The following ABR variants were observed in gnomAD, a reference collection of about 807,000 sequenced individuals.
The protein encoded by ABR is ABR activator of RhoGEF and GTPase.
Under a neutral mutation model 107.2 loss-of-function variants are expected in ABR, and 35 were observed. The observed-to-expected ratio is 0.33, with a 90% confidence interval of 0.25 to 0.43. ABR has a LOEUF of 0.43. ABR is among the 20% of genes least tolerant of loss of function. ABR has a pLI of 1.00. For missense variants in ABR, 815 were observed against 1,115.2 expected (o/e 0.73, Z 3.83); for synonymous variants, 498 against 462.0 (o/e 1.08, Z -1.00).
At chr17:1,170,728 G>C (rs1369058958) in intron 1 of ABR, among the ~76,000 whole-genome samples, 2 of 152,106 alleles carry the variant, frequency 1.3e-5, no homozygotes, top group African/African-American at 4.8e-5. Flanking sequence ...GAGCCACCGT[G>C]CCTGGCCTGT....
intron 1 of ABR, among the ~76,000 whole-genome samples, chr17:1,136,048 T>C (rs1022568831): frequency 3.3e-5 from 5 of 152,162 alleles, no homozygotes; most frequent in Non-Finnish European, 7.3e-5. Context: ...TGAGCACTGG[T>C]TTAAAGTCAC....
In ABR at chr17:1,072,912, G is replaced by A. The variant is rs145657381; in HGVS notation, c.754-158C>T. ...AAATCAGAGTCAGGCCGGGCACGGC[G>A]GCTCATGCCTGAAATCCCAGCACTT... On this transcript the variant is annotated intron_variant, in intron 7 of 22. Transcript: ENST00000302538. 2.1e-3 allele frequency among the ~76,000 whole-genome samples: 324 copies of A among 152,300 alleles called. 3 individuals carry two copies. Among genetic ancestry groups the A allele is most frequent in the African/African-American group, 7.2e-3 (301 of 41,560 alleles).
intron 14 of ABR, among the ~76,000 whole-genome samples, chr17:1,054,864 G>C (rs1047321744): frequency 6.6e-6 from 1 of 152,150 alleles, no homozygotes; most frequent in Non-Finnish European, 1.5e-5. Flanking sequence ...TGTGTGGGGC[G>C]CTGCAGGGAG....
chr17:1,169,653 G>A (rs982045024), intron 1 of ABR, among the ~76,000 whole-genome samples: 1 of 152,182 alleles, frequency 6.6e-6, no homozygotes, highest in Non-Finnish European at 1.5e-5. Context: ...TGGAGGGTCT[G>A]CCCCGTCATT....
chr17:1,099,006 C>T (rs1289289081), intron 3 of ABR, among the ~76,000 whole-genome samples: 2 of 151,938 alleles, frequency 1.3e-5, no homozygotes, highest in African/African-American at 4.8e-5. Context: ...AGGCTGGTCT[C>T]GAACTCCTGA....
At chr17:1,028,378 C>T (rs1471422550) in intron 16 of ABR, among the ~76,000 whole-genome samples, 10 of 151,978 alleles carry the variant, frequency 6.6e-5, no homozygotes, top group Non-Finnish European at 1.2e-4. Context: ...GGATGACAGG[C>T]GTGAGCCACC....
chr17:1,108,254 G>A (rs932220331), intron 2 of ABR, among the ~76,000 whole-genome samples: 2 of 152,226 alleles, frequency 1.3e-5, no homozygotes, highest in Middle Eastern at 3.2e-3. Flanking sequence ...GCGTGGTTCC[G>A]GGGCCGCCCC....
intron 1 of ABR, among the ~76,000 whole-genome samples, chr17:1,209,506 G>A (rs1442926462): frequency 6.6e-6 from 1 of 151,998 alleles, no homozygotes; most frequent in African/African-American, 2.4e-5. Context: ...CGAACTCCTG[G>A]ACTAAGGTGA....
chr17:1,114,274 A>G (rs2038878329), intron 2 of ABR, among the ~76,000 whole-genome samples: 1 of 151,392 alleles, frequency 6.6e-6, no homozygotes, highest in Admixed American at 6.6e-5. Flanking sequence ...GTTCGTGACC[A>G]GCCTGGTCTA....
chr17:1,162,550 T>A (rs1374253344), intron 1 of ABR, among the ~76,000 whole-genome samples: 1 of 152,160 alleles, frequency 6.6e-6, no homozygotes, highest in Admixed American at 6.5e-5. Flanking sequence ...TGCCTCCAGG[T>A]CTAGGACACA....
intron 2 of ABR, among the ~76,000 whole-genome samples, chr17:1,123,672 G>A (rs964752217): frequency 2.0e-5 from 3 of 152,218 alleles, no homozygotes; most frequent in Admixed American, 2.0e-4. Context: ...TGCTCACAGT[G>A]GGGTGAGAGC....
In ABR at chr17:1,005,983, G is replaced by A. The variant is rs1383463083; in HGVS notation, c.*97C>T. 3 of 1,150,640 alleles carry A rather than the reference G, an allele frequency of 2.6e-6. No individual in the cohort carries two copies. In the East Asian group the frequency reaches 7.7e-5, roughly 29 times the overall value. The allele number at this position is 1,150,640 out of a possible 1,614,324, so 71.3% of individuals were successfully genotyped here. ...GGCTTCCCTCGAGTCTGGAGTGCTG[G>A]GTTTGGGAGTTTTCTATTGCAGTCT... On this transcript the variant is annotated 3_prime_UTR_variant, in exon 23 of 23. Coordinates refer to ENST00000302538, the MANE Select transcript of ABR (RefSeq NM_021962.5).
chr17:1,079,065 TAGGG>T, intron 6 of ABR: 3 of 1,376,440 alleles, frequency 2.2e-6, no homozygotes, highest in Non-Finnish European at 2.8e-6. Flanking sequence ...GGAGGAGGGG[TAGGG>T]AGGGAGGGAG....
At chr17:1,096,031 A>T (rs185980598) in intron 3 of ABR, among the ~76,000 whole-genome samples, 9 of 152,304 alleles carry the variant, frequency 5.9e-5, no homozygotes, top group East Asian at 1.9e-4. Context: ...CAGCGTAGCA[A>T]GACACAGTTC....
At chr17:1,099,031 C>T (rs1409420000) in intron 3 of ABR, among the ~76,000 whole-genome samples, 1 of 152,020 alleles carries the variant, frequency 6.6e-6, no homozygotes, top group Non-Finnish European at 1.5e-5. Flanking sequence ...AGGTGATCCA[C>T]CCACCTCGGC....
At chr17:1,109,859 C>A (rs1479845837) in intron 2 of ABR, among the ~76,000 whole-genome samples, 1 of 130,222 alleles carries the variant, frequency 7.7e-6, no homozygotes, top group Non-Finnish European at 1.6e-5. Flanking sequence ...CTCCAAGCAG[C>A]CCCCCTCCTC....
upstream of ABR, among the ~76,000 whole-genome samples, chr17:1,184,616 A>G (rs765207619): frequency 6.6e-6 from 1 of 151,958 alleles, no homozygotes; most frequent in Non-Finnish European, 1.5e-5. Context: ...TCGGCATTCA[A>G]TAATGCACAT....
intron 10 of ABR, among the ~76,000 whole-genome samples, chr17:1,064,224 T>C: frequency 8.4e-6 from 1 of 118,632 alleles, no homozygotes; most frequent in Non-Finnish European, 1.8e-5. Context: ...GCTATGCATG[T>C]TCCTCTAGAC....
intron 3 of ABR, among the ~76,000 whole-genome samples, chr17:1,099,294 C>T (rs972534875): frequency 2.0e-5 from 3 of 152,058 alleles, no homozygotes; most frequent in Non-Finnish European, 4.4e-5. Context: ...AGGCTGGTCT[C>T]GAACTCCTGT....
Sources: allele counts gnomAD v4.1 joint callset (sites outside exome capture counted in the v4.1 genomes callset), GRCh38; gene constraint gnomAD v4.1.1; transcripts MANE v1.5; gene names NCBI Gene and HGNC (gene_info 2026-07-23, HGNC 2026-07-21).